The following PKHD1L1 variants were observed in gnomAD, a reference collection of about 807,000 sequenced individuals.
PKHD1L1 encodes PKHD1 like 1, also known as fibrocystin-L.
In PKHD1L1, 434 loss-of-function variants were observed where a neutral mutation model predicts 462.9. That is an observed-to-expected ratio of 0.94 (90% CI 0.87 to 1.02). The LOEUF is 1.02. Among genes scored for constraint, PKHD1L1 ranks in the 50% least tolerant of loss-of-function variants. PKHD1L1 has a pLI of 0.00. For missense variants in PKHD1L1, 5,202 were observed against 5,096.1 expected (o/e 1.02, Z -0.63); for synonymous variants, 1,781 against 1,750.0 (o/e 1.02, Z -0.44).
chr8:109,526,957 G>T lies in PKHD1L1; in HGVS notation c.12658G>T (p.Val4220Phe). ...QIMTVVISCL[V>F]GRMWLLEIFM... Reference sequence around the variant, plus strand: ...AATGACTGTAGTAATTAGCTGTCTGGTTGGAAGAATGTGGCTCTTGGAAAT... The same window carrying T: ...AATGACTGTAGTAATTAGCTGTCTGTTTGGAAGAATGTGGCTCTTGGAAAT... The change falls in exon 77 of 78, where the codon GTT becomes TTT. Residue 4220 changes from valine (V) to phenylalanine (F), a missense_variant. Transcript: ENST00000378402. The T allele has an allele frequency of 1.2e-6, 2 of 1,613,434 alleles. No homozygotes were observed. The highest frequency in any genetic ancestry group is 1.7e-6 in the Non-Finnish European group (2 of 1,179,736).
chr8:109,498,839 T>C, intron 67 of PKHD1L1, 68 bp downstream of exon 67: 4 of 1,271,678 alleles, frequency 3.1e-6, no homozygotes, highest in Non-Finnish European at 4.4e-6. Flanking sequence ...GGATAACTAA[T>C]AATGTTTCAT....
chr8:109,476,423 AG>A (rs1586590112), intron 51 of PKHD1L1, 84 bp from the exon 52 acceptor site: 1 of 895,422 alleles, frequency 1.1e-6, no homozygotes, highest in East Asian at 3.0e-5. Context: ...AACATAATAT[AG>A]GGGCTAATTA....
chr8:109,421,412 A>G (rs533485352), intron 23 of PKHD1L1, among the ~76,000 whole-genome samples: 1 of 152,182 alleles, frequency 6.6e-6, no homozygotes, highest in Non-Finnish European at 1.5e-5. Context: ...ATCCTGGCCC[A>G]ATGTTTTAGT....
At chr8:109,482,377 T>C (rs1239769193) in intron 56 of PKHD1L1, among the ~76,000 whole-genome samples, 2 of 151,828 alleles carry the variant, frequency 1.3e-5, no homozygotes. Context: ...CATAGAACAG[T>C]ATGAAGAAAA....
intron 67 of PKHD1L1, among the ~76,000 whole-genome samples, chr8:109,500,968 C>T (rs1378762771): frequency 6.6e-6 from 1 of 152,076 alleles, no homozygotes; most frequent in Non-Finnish European, 1.5e-5. Flanking sequence ...AAACACTTCT[C>T]ATCTGGGAAC....
At chr8:109,501,836 T>C (rs1232367065) in intron 67 of PKHD1L1, among the ~76,000 whole-genome samples, 3 of 152,068 alleles carry the variant, frequency 2.0e-5, no homozygotes, top group South Asian at 2.1e-4. Flanking sequence ...TGGTGGGAAA[T>C]AGCATGCCTT....
intron 50 of PKHD1L1, among the ~76,000 whole-genome samples, chr8:109,467,996 A>G (rs1817538764): frequency 6.6e-6 from 1 of 152,194 alleles, no homozygotes; most frequent in South Asian, 2.1e-4. Flanking sequence ...CAGTATTGCA[A>G]ATACTTTCAT....
intron 73 of PKHD1L1, among the ~76,000 whole-genome samples, chr8:109,520,675 G>A (rs1359722188): frequency 1.3e-5 from 2 of 152,132 alleles, no homozygotes; most frequent in African/African-American, 4.8e-5. Context: ...TCATGTAGTT[G>A]TACTCCTGGC....
intron 50 of PKHD1L1, among the ~76,000 whole-genome samples, chr8:109,469,485 C>T (rs1402474979): frequency 6.6e-6 from 1 of 152,076 alleles, no homozygotes; most frequent in Non-Finnish European, 1.5e-5. Context: ...CTTCTCTTTA[C>T]TGTGTTTCTT....
intron 2 of PKHD1L1, among the ~76,000 whole-genome samples, chr8:109,368,930 G>C (rs1563708865): frequency 6.6e-6 from 1 of 152,012 alleles, no homozygotes. Flanking sequence ...TTGTGACTTG[G>C]AGTACTTCCA....
chr8:109,383,554 A>T (rs1812282884), intron 4 of PKHD1L1, among the ~76,000 whole-genome samples: 2 of 146,782 alleles, frequency 1.4e-5, no homozygotes, highest in African/African-American at 5.0e-5. Flanking sequence ...TGAGTAGTAC[A>T]ATGTTCTAAT....
At chr8:109,428,185 T>C (rs748736200) in intron 25 of PKHD1L1, among the ~76,000 whole-genome samples, 3 of 152,184 alleles carry the variant, frequency 2.0e-5, no homozygotes, top group Non-Finnish European at 4.4e-5. Context: ...GATTCATCAC[T>C]ATCACTTATA....
chr8:109,443,813 A>C lies in PKHD1L1; in HGVS notation c.4702A>C (p.Ile1568Leu). 1.2e-6 allele frequency: 2 copies of C among 1,613,878 alleles called. No homozygotes were observed. Among genetic ancestry groups the C allele is most frequent in the Non-Finnish European group, 1.7e-6 (2 of 1,179,804 alleles). Residue 1568 changes from isoleucine to leucine, a missense_variant, in exon 37 of 78, where the codon ATA becomes CTA. By Grantham distance (5) the Ile-to-Leu change is conservative. Around this residue, in one of 3 missense-constraint regions of PKHD1L1, gnomAD observed 4,497 missense variants for 4,336.8 expected, o/e 1.04. Transcript: ENST00000378402. ...GGTTTCAAGTTGTTTTTCACCATCT[A>C]TAAGCAACATTACTCCGTCCACTGG... ...FEVSSCFSPS[I>L]SNITPSTGTV...
rs190724515 is a variant in PKHD1L1 at position 109,535,861 on chromosome 8, G to C, written c.*5771G>C. Among the ~76,000 whole-genome samples, 2 of 152,120 alleles carry C rather than the reference G, an allele frequency of 1.3e-5. No individual in the cohort carries two copies. The highest frequency in any genetic ancestry group is 4.8e-5 in the African/African-American group (2 of 41,424). On this transcript the variant is annotated 3_prime_UTR_variant, in exon 78 of 78. Transcript: ENST00000378402. ...TAGACAAAACTTGGCAACAGATCTTGGTATGAAATAAATATCCCATGAGTA... is the reference window on the plus strand; with the variant it reads ...TAGACAAAACTTGGCAACAGATCTTCGTATGAAATAAATATCCCATGAGTA...
intron 4 of PKHD1L1, among the ~76,000 whole-genome samples, chr8:109,383,631 T>C (rs942353124): frequency 1.8e-4 from 27 of 150,958 alleles, no homozygotes; most frequent in African/African-American, 6.6e-4. Context: ...GATTCCAAAA[T>C]ATATTGCCAA....
rs1047141712 is a variant in PKHD1L1 at position 109,465,025 on chromosome 8, A to G, written c.8193A>G (p.Pro2731=). 8.7e-6 allele frequency: 14 copies of G among 1,613,714 alleles called. No homozygotes were observed. The highest frequency in any genetic ancestry group is 1.1e-5 in the Non-Finnish European group (13 of 1,179,788). Residue 2731 remains proline, a synonymous_variant, in exon 49 of 78, where the codon CCA becomes CCG. Transcript: ENST00000378402. ...AFCTAKGLVL[P]FSEGLTVSSV... ...GCACAGCAAAAGGCCTGGTTCTCCC[A>G]TTTAGTGAAGGCTTGACTGTCTCTT...
chr8:109,459,622 G>T lies in PKHD1L1; in HGVS notation c.7032G>T (p.Met2344Ile). Reference protein sequence around the residue: ...HRHSQGENEKMTIASVSADGI... With the variant: ...HRHSQGENEKITIASVSADGI... The stretch of plus-strand genomic sequence containing the variant: ...ACAGTCAAGGAGAGAATGAAAAAAT[G>T]ACCATTGCATCTGTGTCTGCTGATG... The change falls in exon 47 of 78, where the codon ATG (methionine) becomes ATT (isoleucine). Residue 2344 changes from methionine (M) to isoleucine (I), a missense_variant. By Grantham distance (10) the Met-to-Ile change is conservative. This residue lies in a region of PKHD1L1 where 4,497 missense variants were observed against 4,336.8 expected (regional missense o/e 1.04). Coordinates refer to ENST00000378402, the MANE Select transcript of PKHD1L1 (RefSeq NM_177531.6). The T allele has an allele frequency of 1.3e-6, 2 of 1,573,368 alleles. No individual in the cohort carries two copies. Among genetic ancestry groups the T allele is most frequent in the South Asian group, 2.4e-5 (2 of 84,644 alleles).
At chr8:109,485,253 A>T in intron 58 of PKHD1L1, 80 bp downstream of exon 58, 1 of 1,227,872 alleles carries the variant, frequency 8.1e-7, no homozygotes, top group Admixed American at 2.7e-5. Context: ...TAATTCTTTG[A>T]TAAAACATGT....
chr8:109,380,753 T>C (rs1178173538), intron 2 of PKHD1L1, among the ~76,000 whole-genome samples: 2 of 152,214 alleles, frequency 1.3e-5, no homozygotes, highest in Non-Finnish European at 2.9e-5. Context: ...CATTTTGCTC[T>C]CTCTCATACC....
Sources: allele counts gnomAD v4.1 joint callset (sites outside exome capture counted in the v4.1 genomes callset), GRCh38; gene constraint gnomAD v4.1.1; regional missense constraint gnomAD v4.1.1; transcripts MANE v1.5; gene names NCBI Gene and HGNC (gene_info 2026-07-23, HGNC 2026-07-21).